Variants in YAF2 observed in about 807,000 individuals in gnomAD.
YAF2 encodes the protein YY1-associated factor 2.
YAF2 carries 7 observed loss-of-function variants against 20.1 expected under a neutral mutation model. The observed-to-expected ratio is 0.35, with a 90% CI of 0.20 to 0.65. The LOEUF (loss-of-function observed/expected upper bound fraction) is 0.65, where lower values mean the gene tolerates loss of function less well. YAF2 is among the 30% of genes least tolerant of loss of function. The probability of loss-of-function intolerance (pLI) is 0.69; values close to 1 mark genes in which losing one functional copy is unlikely to be tolerated. For synonymous variants in YAF2, 74 were observed against 76.0 expected (o/e 0.97, Z 0.14); for missense variants, 151 against 219.2 (o/e 0.69, Z 1.96).
intron 2 of YAF2, among the ~76,000 whole-genome samples, chr12:42,179,075 C>T (rs2137037596): frequency 6.6e-6 from 1 of 152,202 alleles, no homozygotes; most frequent in South Asian, 2.1e-4. Flanking sequence ...AGAAAAAATA[C>T]ACTTGTCTGG....
chr12:42,186,278 T>C (rs562904798), intron 2 of YAF2, among the ~76,000 whole-genome samples: 2 of 150,194 alleles, frequency 1.3e-5, no homozygotes, highest in Non-Finnish European at 3.0e-5. Flanking sequence ...AGCTTGAACC[T>C]GGGAGGCGGA....
chr12:42,198,370 G>C (rs760479190), intron 2 of YAF2, among the ~76,000 whole-genome samples: 2 of 152,196 alleles, frequency 1.3e-5, no homozygotes, highest in African/African-American at 4.8e-5. Context: ...ATCACTTTGA[G>C]CTCAGGAGTT....
chr12:42,237,440 G>C, intron 2 of YAF2, 159 bp downstream of exon 2: 1 of 1,313,040 alleles, frequency 7.6e-7, no homozygotes, highest in Non-Finnish European at 9.7e-7. Flanking sequence ...CATCGCCTGG[G>C]TTGCGATCAA....
chr12:42,201,836 T>C (rs904916595), intron 2 of YAF2, among the ~76,000 whole-genome samples: 2 of 152,192 alleles, frequency 1.3e-5, no homozygotes, highest in African/African-American at 4.8e-5. Flanking sequence ...TCTCCCCAGA[T>C]TGATGGCATT....
At chr12:42,167,777 G>A (rs1040785870) in intron 2 of YAF2, among the ~76,000 whole-genome samples, 4 of 152,078 alleles carry the variant, frequency 2.6e-5, no homozygotes, top group Admixed American at 6.5e-5. Context: ...AGGCCAACGC[G>A]GGCAGACTGC....
chr12:42,179,536 G>C lies in YAF2; in HGVS notation c.153-17771C>G, dbSNP rs138692837. The stretch of plus-strand genomic sequence containing the variant: ...AAACACATCAAATCTGAAGGTCTAA[G>C]TTTTCTAAAAATAGAAATTGAGGTG... On this transcript the variant is annotated intron_variant, in intron 2 of 3. Transcript: ENST00000534854. Among the ~76,000 whole-genome samples, 74 of 152,238 alleles carry C rather than the reference G, an allele frequency of 4.9e-4. 2 individuals are homozygous for C. The highest frequency in any genetic ancestry group is 1.8e-3 in the African/African-American group (73 of 41,542).
At chr12:42,182,212 A>G (rs1343293521) in intron 2 of YAF2, among the ~76,000 whole-genome samples, 1 of 152,220 alleles carries the variant, frequency 6.6e-6, no homozygotes, top group Non-Finnish European at 1.5e-5. Context: ...AAATTCACAA[A>G]GTTCATGATA....
At chr12:42,194,377 CT>C (rs1220948554) in intron 2 of YAF2, among the ~76,000 whole-genome samples, 1 of 152,196 alleles carries the variant, frequency 6.6e-6, no homozygotes, top group Non-Finnish European at 1.5e-5. Flanking sequence ...GGCAGGATGG[CT>C]CACGCCTGTA....
intron 2 of YAF2, among the ~76,000 whole-genome samples, chr12:42,200,724 T>C (rs535503349): frequency 6.6e-6 from 1 of 152,338 alleles, no homozygotes; most frequent in African/African-American, 2.4e-5. Flanking sequence ...TTAGATCACA[T>C]TGTACACATC....
In YAF2 at chr12:42,171,509, TAAAA is replaced by T. The variant is rs10708373; in HGVS notation, c.153-9748_153-9745del. Among the ~76,000 whole-genome samples the T allele has an allele frequency of 9.1e-3, 1,356 of 148,264 alleles. 29 individuals carry two copies. The highest frequency in any genetic ancestry group is 0.031 in the African/African-American group (1,275 of 40,610). ...GTGGTATGACCCCATCTCTTTAAAT[TAAAA>T]AAAAAAGAAAGAAAGAAAGAAATAT... is the stretch of plus-strand genomic sequence containing the variant. On this transcript the variant is annotated intron_variant, in intron 2 of 3. Coordinates refer to ENST00000534854, the MANE Select transcript of YAF2 (RefSeq NM_005748.6).
intron 2 of YAF2, among the ~76,000 whole-genome samples, chr12:42,173,037 GGAGAGAGAGACAGA>G: frequency 6.6e-6 from 1 of 151,968 alleles, no homozygotes; most frequent in East Asian, 1.9e-4. Flanking sequence ...CATGAGAGAG[GGAGAGAGAGACAGA>G]GAGAGAGAGA....
rs997074196 is a variant in YAF2 at position 42,158,179 on chromosome 12, C to T, written c.*2410G>A. On this transcript the variant is annotated 3_prime_UTR_variant, in exon 4 of 4. Transcript: ENST00000534854. ...GGTGAAACAAAGGCAGGTTGAGATA[C>T]CTGTGATTAATAAAAGTAAAATAAT... 2 of 152,032 alleles carry T rather than the reference C, an allele frequency of 1.3e-5. No individual in the cohort carries two copies. Among genetic ancestry groups the T allele is most frequent in the African/African-American group, 4.8e-5 (2 of 41,388 alleles). 9.4% of individuals were successfully genotyped at this position (152,032 alleles called of 1,614,324 possible).
At chr12:42,235,566 A>C (rs541852369) in intron 2 of YAF2, 2 of 1,393,960 alleles carry the variant, frequency 1.4e-6, no homozygotes, top group African/African-American at 2.9e-5. Context: ...AAGAGAATTC[A>C]GAGAGAGGAA....
At chr12:42,173,007 G>A (rs1322693370) in intron 2 of YAF2, among the ~76,000 whole-genome samples, 1 of 151,982 alleles carries the variant, frequency 6.6e-6, no homozygotes, top group Non-Finnish European at 1.5e-5. Context: ...GGAACAAAAT[G>A]GAGAGTAACT....
intron 2 of YAF2, among the ~76,000 whole-genome samples, chr12:42,164,770 A>T (rs991904226): frequency 2.0e-5 from 3 of 152,092 alleles, no homozygotes; most frequent in African/African-American, 7.2e-5. Context: ...AAGATTTTAT[A>T]AAAAACCACC....
chr12:42,163,289 T>A (rs1269722795), intron 2 of YAF2, among the ~76,000 whole-genome samples: 1 of 152,028 alleles, frequency 6.6e-6, no homozygotes, highest in Non-Finnish European at 1.5e-5. Context: ...TAAGAAGGGA[T>A]CCCATGATTA....
At chr12:42,160,887 T>A in intron 3 of YAF2, 61 bp from the exon 4 acceptor site, 1 of 1,399,582 alleles carries the variant, frequency 7.1e-7, no homozygotes, top group Non-Finnish European at 9.7e-7. Context: ...TCTGAGCATA[T>A]AATAAATAAT....
Position 42,157,831 on chromosome 12 carries a change from A to G in YAF2, c.*2758T>C, listed in dbSNP as rs909020306. ...TTTTTCATAGAGATGAGCTTTCACC[A>G]TGTTGCCCAGGCTGGTCCTGGGCTC... On this transcript the variant is annotated 3_prime_UTR_variant, in exon 4 of 4. Coordinates refer to ENST00000534854, the MANE Select transcript of YAF2 (RefSeq NM_005748.6). The G allele has an allele frequency of 6.6e-6, 1 of 151,940 alleles. No individual in the cohort carries two copies. Among genetic ancestry groups the G allele is most frequent in the Non-Finnish European group, 1.5e-5 (1 of 67,986 alleles). 9.4% of individuals were successfully genotyped at this position (151,940 alleles called of 1,614,324 possible). A position where few individuals can be genotyped will look rare whatever the true frequency, so the allele number is the denominator to read the frequency against.
intron 2 of YAF2, among the ~76,000 whole-genome samples, chr12:42,216,938 AC>A (rs1219449044): frequency 1.3e-5 from 2 of 152,094 alleles, no homozygotes; most frequent in African/African-American, 4.8e-5. Context: ...GCCTCCCACA[AC>A]CATATCCAAT....
Sources: allele counts gnomAD v4.1 joint callset (sites outside exome capture counted in the v4.1 genomes callset), GRCh38; gene constraint gnomAD v4.1.1; transcripts MANE v1.5; gene names NCBI Gene and HGNC (gene_info 2026-07-23, HGNC 2026-07-21).